Variants in PVALB observed in about 807,000 individuals in gnomAD.
PVALB encodes the protein parvalbumin alpha.
In PVALB, 11 loss-of-function variants were observed where a neutral mutation model predicts 10.9. The ratio of observed to expected loss-of-function variants is 1.01; its 90% CI spans 0.63 to 1.67. The LOEUF (loss-of-function observed/expected upper bound fraction) is 1.67. PVALB is among the 40% of genes most tolerant of loss of function. The probability of loss-of-function intolerance (pLI) is 0.00; values close to 1 mark genes in which losing one functional copy is unlikely to be tolerated. For synonymous variants in PVALB, 57 were observed against 50.7 expected (o/e 1.12, Z -0.53); for missense variants, 131 against 136.2 (o/e 0.96, Z 0.19).
chr22:36,809,867 T>G (rs1043799035), intron 3 of PVALB, among the ~76,000 whole-genome samples: 5 of 151,392 alleles, frequency 3.3e-5, no homozygotes, highest in Non-Finnish European at 5.9e-5. Context: ...TTTTTTTTTT[T>G]TTTTTTGGTT....
chr22:36,813,847 G>C, intron 2 of PVALB, 92 bp from the exon 3 acceptor site: 3 of 958,318 alleles, frequency 3.1e-6, no homozygotes, highest in Non-Finnish European at 5.1e-6. Flanking sequence ...TTCTGTATGG[G>C]GAAAGGGATG....
At chr22:36,810,163 A>G (rs903519459) in intron 3 of PVALB, among the ~76,000 whole-genome samples, 1 of 152,182 alleles carries the variant, frequency 6.6e-6, no homozygotes, top group Non-Finnish European at 1.5e-5. Context: ...GATTACAGGC[A>G]TGAGCCACTG....
upstream of PVALB, among the ~76,000 whole-genome samples, chr22:36,817,877 G>A (rs1939172319): frequency 6.6e-6 from 1 of 152,044 alleles, no homozygotes; most frequent in Non-Finnish European, 1.5e-5. Flanking sequence ...AGTCCGCTTG[G>A]AATTGCTATG....
chr22:36,803,811 G>A (rs1601518211), intron 3 of PVALB, among the ~76,000 whole-genome samples: 1 of 152,160 alleles, frequency 6.6e-6, no homozygotes, highest in East Asian at 1.9e-4. Flanking sequence ...AGTCTGGGAG[G>A]ATTCTAATTT....
At chr22:36,814,954 G>A in intron 2 of PVALB, 149 bp downstream of exon 2, 3 of 1,043,422 alleles carry the variant, frequency 2.9e-6, no homozygotes, top group East Asian at 5.3e-5. Context: ...TGGTGCCCTG[G>A]GTCGGAGCCC....
intron 1 of PVALB, 67 bp downstream of exon 1, chr22:36,816,878 G>T: frequency 7.2e-7 from 1 of 1,381,060 alleles, no homozygotes; most frequent in Non-Finnish European, 9.8e-7. Context: ...CTGCGGGGCC[G>T]GCGGAGTGCA....
chr22:36,807,262 G>C (rs1938964897), intron 3 of PVALB, among the ~76,000 whole-genome samples: 1 of 152,176 alleles, frequency 6.6e-6, no homozygotes, highest in South Asian at 2.1e-4. Flanking sequence ...CGGGGCCTCA[G>C]TTTTCAAGTC....
Position 36,800,924 on chromosome 22 carries a change from G to GA in PVALB, c.305-7dup, listed in dbSNP as rs2145943331. 1.2e-6 allele frequency: 2 copies of GA among 1,610,258 alleles called. No homozygotes were observed. Among genetic ancestry groups the GA allele is most frequent in the East Asian group, 2.2e-5 (1 of 44,856 alleles). On this transcript the variant is annotated splice_polypyrimidine_tract_variant and splice_region_variant and intron_variant, in intron 3 of 3. Coordinates refer to ENST00000417718, the MANE Select transcript of PVALB (RefSeq NM_001315532.2). ...AGCCACCAGAGTGGAGAATTCTGCAGAACAAAATGACAAGGAAAGTGAGTC... is the reference window on the plus strand; with the variant it reads ...AGCCACCAGAGTGGAGAATTCTGCAGAAACAAAATGACAAGGAAAGTGAGTC...
chr22:36,807,910 G>A (rs1046622467), intron 3 of PVALB, among the ~76,000 whole-genome samples: 1 of 152,214 alleles, frequency 6.6e-6, no homozygotes, highest in African/African-American at 2.4e-5. Flanking sequence ...GCGAGTGAGT[G>A]GCAAGGGGTG....
At position 36,815,245 on chromosome 22, in the gene PVALB, G is replaced by A. The variant is rs145809194; in HGVS notation, c.62-10C>T. 6 of 1,614,092 alleles carry A rather than the reference G, an allele frequency of 3.7e-6. No homozygotes were observed. Among genetic ancestry groups the A allele is most frequent in the East Asian group, 2.2e-5 (1 of 44,880 alleles). On this transcript the variant is annotated splice_polypyrimidine_tract_variant and intron_variant, in intron 1 of 3. Transcript: ENST00000417718. ...TCGAAGGAGTCGGTAGCTGTGGGGG[G>A]AAGAGCAGGGTCAAACAAGGACCAG...
chr22:36,805,232 C>A (rs948194070), intron 3 of PVALB, among the ~76,000 whole-genome samples: 2 of 152,122 alleles, frequency 1.3e-5, no homozygotes, highest in Non-Finnish European at 1.5e-5. Flanking sequence ...GTTCCTGTGA[C>A]CTTCGACTAG....
chr22:36,801,996 C>T (rs967287557), intron 3 of PVALB, among the ~76,000 whole-genome samples: 14 of 151,764 alleles, frequency 9.2e-5, no homozygotes, highest in African/African-American at 2.9e-4. Context: ...TTGGGTGAGA[C>T]AAATAAAAAA....
chr22:36,815,473 G>A (rs1013496763), intron 1 of PVALB: 2 of 544,386 alleles, frequency 3.7e-6, no homozygotes, highest in Admixed American at 6.4e-5. Context: ...TGGCTCTCAA[G>A]CCCGCCCCCA....
At chr22:36,813,577 C>G (rs1290380521) in intron 3 of PVALB, 69 bp downstream of exon 3, 3 of 1,307,310 alleles carry the variant, frequency 2.3e-6, no homozygotes, top group African/African-American at 1.5e-5. Flanking sequence ...ACAGACATAG[C>G]TTCAAACTTT....
At position 36,800,868 on chromosome 22, in the gene PVALB, G is replaced by C; in HGVS notation, c.*22C>G. 6.2e-7 allele frequency: 1 copy of C among 1,600,470 alleles called. No individual in the cohort carries two copies. Among genetic ancestry groups the C allele is most frequent in the Non-Finnish European group, 8.6e-7 (1 of 1,167,502 alleles). ...GGGTGTTCAGGGCAGAGAGGTGGAAGACCAGGGGCAGTCAGTGCTTCTTAG... is the reference window on the plus strand; with the variant it reads ...GGGTGTTCAGGGCAGAGAGGTGGAACACCAGGGGCAGTCAGTGCTTCTTAG... On this transcript the variant is annotated 3_prime_UTR_variant, in exon 4 of 4. Coordinates refer to ENST00000417718, the MANE Select transcript of PVALB (RefSeq NM_001315532.2).
intron 3 of PVALB, among the ~76,000 whole-genome samples, chr22:36,802,427 C>T (rs1938880102): frequency 6.6e-6 from 1 of 151,538 alleles, no homozygotes; most frequent in South Asian, 2.1e-4. Context: ...ACGGTGAAAC[C>T]CTGTCTCTAC....
chr22:36,814,254 A>G (rs948890561), intron 2 of PVALB, among the ~76,000 whole-genome samples: 1 of 140,614 alleles, frequency 7.1e-6, no homozygotes, highest in African/African-American at 2.7e-5. Flanking sequence ...GACAGGGGGA[A>G]GTCAGCCTCT....
At chr22:36,809,948 G>C (rs1180038921) in intron 3 of PVALB, among the ~76,000 whole-genome samples, 1 of 150,162 alleles carries the variant, frequency 6.7e-6, no homozygotes, top group Non-Finnish European at 1.5e-5. Context: ...GCAGTGGTGT[G>C]ATCTTGGCTC....
At chr22:36,814,167 G>A (rs1460293503) in intron 2 of PVALB, among the ~76,000 whole-genome samples, 1 of 152,152 alleles carries the variant, frequency 6.6e-6, no homozygotes, top group African/African-American at 2.4e-5. Context: ...GTGGAGGAGG[G>A]CACTCAGAAG....
Sources: gnomAD v4.1 joint callset for allele counts (sites outside exome capture counted in the v4.1 genomes callset) on GRCh38, gnomAD v4.1.1 for gene constraint, MANE v1.5 for transcripts, NCBI Gene and HGNC (gene_info 2026-07-23, HGNC 2026-07-21) for gene names.